Variants in MTREX observed in about 807,000 individuals in gnomAD.
The protein encoded by MTREX is Mtr4 exosome RNA helicase.
A neutral mutation model predicts 135.4 loss-of-function variants in MTREX; 76 were observed. The ratio of observed to expected loss-of-function variants is 0.56; its 90% CI spans 0.47 to 0.68. MTREX has a LOEUF of 0.68. Among genes scored for constraint, MTREX ranks in the 30% least tolerant of loss-of-function variants. MTREX has a pLI of 0.00. For synonymous variants in MTREX, 404 were observed against 401.6 expected (o/e 1.01, Z -0.07); for missense variants, 920 against 1,262.1 (o/e 0.73, Z 4.11).
intron 21 of MTREX, among the ~76,000 whole-genome samples, chr5:55,402,754 T>G (rs1750741332): frequency 6.6e-6 from 1 of 150,662 alleles, no homozygotes; most frequent in Admixed American, 6.6e-5. Flanking sequence ...TCCTGCCCCC[T>G]CCCCATCATT....
At chr5:55,358,854 A>G (rs746142487) in intron 15 of MTREX, among the ~76,000 whole-genome samples, 156 bp downstream of exon 15, 1 of 152,226 alleles carries the variant, frequency 6.6e-6, no homozygotes, top group Non-Finnish European at 1.5e-5. Flanking sequence ...GTGATTACTC[A>G]AAATACTAAC....
chr5:55,331,697 A>T (rs1440324980), intron 5 of MTREX, among the ~76,000 whole-genome samples: 2 of 152,206 alleles, frequency 1.3e-5, no homozygotes, highest in African/African-American at 4.8e-5. Context: ...TGCAAACTCC[A>T]GCTGCCCTGG....
At chr5:55,347,791 G>T (rs1422321759) in intron 11 of MTREX, among the ~76,000 whole-genome samples, 2 of 152,156 alleles carry the variant, frequency 1.3e-5, no homozygotes, top group African/African-American at 4.8e-5. Flanking sequence ...AAGAAAATAG[G>T]TTTAATGGAC....
rs1398044352 is a variant in MTREX at position 55,422,893 on chromosome 5, G to T, written c.2987G>T (p.Cys996Phe). 1 of 1,613,542 alleles carries T rather than the reference G, an allele frequency of 6.2e-7. No homozygotes were observed. Among genetic ancestry groups the T allele is most frequent in the Non-Finnish European group, 8.5e-7 (1 of 1,179,762 alleles). The change falls in exon 26 of 27, where the codon TGT (cysteine) becomes TTT (phenylalanine). Residue 996 changes from cysteine (C) to phenylalanine (F), a missense_variant. This residue lies in a region of MTREX where 467 missense variants were observed against 589.7 expected (regional missense o/e 0.79). Coordinates refer to ENST00000230640, the MANE Select transcript of MTREX (RefSeq NM_015360.5). Reference sequence around the variant, plus strand: ...TTCTATCCAGGCAGCATAATTCGTTGTATGAGGCGCCTGGAAGAATTGCTT... The same window carrying T: ...TTCTATCCAGGCAGCATAATTCGTTTTATGAGGCGCCTGGAAGAATTGCTT... ...TDVFEGSIIR[C>F]MRRLEELLRQ...
At chr5:55,402,838 G>GTA (rs1750744011) in intron 21 of MTREX, among the ~76,000 whole-genome samples, 2 of 88,374 alleles carry the variant, frequency 2.3e-5, no homozygotes, top group East Asian at 5.5e-4. Flanking sequence ...GTGTGTGTGT[G>GTA]TGTATGTGTA....
At chr5:55,408,001 G>A (rs543924394) in intron 22 of MTREX, among the ~76,000 whole-genome samples, 2 of 151,938 alleles carry the variant, frequency 1.3e-5, no homozygotes, top group Non-Finnish European at 2.9e-5. Flanking sequence ...TAAGCAGTCC[G>A]CCCACCTTAC....
rs549904956 is a variant in MTREX at position 55,362,709 on chromosome 5, A to T, written c.1659+4011A>T. Among the ~76,000 whole-genome samples, 7 of 151,736 alleles carry T rather than the reference A, an allele frequency of 4.6e-5. No homozygotes were observed. The East Asian group carries it at 5.8e-4, about 13-fold the overall frequency. ...TTTTTGATTACTTGATATGAGCTAT[A>T]AAAAAAAATCAGTTTTCATAATGTG... On this transcript the variant is annotated intron_variant, in intron 15 of 26. Coordinates refer to ENST00000230640, the MANE Select transcript of MTREX (RefSeq NM_015360.5).
intron 25 of MTREX, among the ~76,000 whole-genome samples, chr5:55,422,619 TCTAGGGCATTTTG>T (rs1335798087): frequency 1.3e-5 from 2 of 152,192 alleles, no homozygotes; most frequent in East Asian, 3.8e-4. Context: ...GCTCCCTCCT[TCTAGGGCATTTTG>T]TTTTCCTACT....
intron 15 of MTREX, among the ~76,000 whole-genome samples, chr5:55,361,443 T>C (rs906703556): frequency 2.6e-5 from 4 of 152,212 alleles, no homozygotes; most frequent in Admixed American, 6.5e-5. Flanking sequence ...CACACACACA[T>C]ATTTATATAT....
intron 19 of MTREX, among the ~76,000 whole-genome samples, chr5:55,396,599 A>G (rs1415502890): frequency 3.3e-5 from 5 of 152,232 alleles, no homozygotes; most frequent in Non-Finnish European, 7.3e-5. Context: ...CAAGTTTGGC[A>G]AATTATCGAA....
At chr5:55,401,262 T>C (rs1352725496) in intron 21 of MTREX, among the ~76,000 whole-genome samples, 1 of 152,208 alleles carries the variant, frequency 6.6e-6, no homozygotes, top group East Asian at 1.9e-4. Context: ...CTTGAACTCC[T>C]GACCTCATAT....
intron 16 of MTREX, among the ~76,000 whole-genome samples, chr5:55,368,218 G>A (rs1194254851): frequency 1.3e-5 from 2 of 152,130 alleles, no homozygotes; most frequent in African/African-American, 2.4e-5. Context: ...GCGAGGCCCA[G>A]GGGGGCAGAT....
chr5:55,372,581 C>A (rs78615905), intron 16 of MTREX, among the ~76,000 whole-genome samples: 127 of 152,202 alleles, frequency 8.3e-4, no homozygotes, highest in African/African-American at 3.0e-3. Flanking sequence ...TTACATAGAG[C>A]AGTTTGATAA....
chr5:55,386,764 GT>G (rs1750487788), intron 18 of MTREX, among the ~76,000 whole-genome samples: 1 of 152,012 alleles, frequency 6.6e-6, no homozygotes, highest in African/African-American at 2.4e-5. Context: ...CGCCTGTGGG[GT>G]TTTTTTGTCC....
chr5:55,337,039 A>G (rs1749565576), intron 5 of MTREX, among the ~76,000 whole-genome samples: 1 of 152,198 alleles, frequency 6.6e-6, no homozygotes, highest in African/African-American at 2.4e-5. Context: ...AAGCCTAGGC[A>G]TTTCTTTGTG....
At chr5:55,382,168 A>G (rs1025149400) in intron 18 of MTREX, among the ~76,000 whole-genome samples, 2 of 151,960 alleles carry the variant, frequency 1.3e-5, no homozygotes, top group Non-Finnish European at 2.9e-5. Context: ...TTACTGATAT[A>G]GTTGGATTTG....
chr5:55,337,790 G>GGT (rs1749577316), intron 5 of MTREX, among the ~76,000 whole-genome samples: 1 of 146,686 alleles, frequency 6.8e-6, no homozygotes, highest in Non-Finnish European at 1.5e-5. Context: ...TATTTCTCAT[G>GGT]TTTTTTTTTT....
chr5:55,336,154 A>G (rs1212882128), intron 5 of MTREX, among the ~76,000 whole-genome samples: 1 of 152,148 alleles, frequency 6.6e-6, no homozygotes, highest in Admixed American at 6.6e-5. Context: ...TACATTCCAT[A>G]AGACTTTCTA....
chr5:55,423,053 A>G (rs749195287), intron 26 of MTREX, 71 bp downstream of exon 26: 38 of 1,126,552 alleles, frequency 3.4e-5, no homozygotes, highest in African/African-American at 4.6e-5. Context: ...GCCCTGGACC[A>G]CAACCTAGGA....
Sources: gnomAD v4.1 joint callset for allele counts (sites outside exome capture counted in the v4.1 genomes callset) on GRCh38, gnomAD v4.1.1 for gene constraint, gnomAD v4.1.1 regional missense constraint, MANE v1.5 for transcripts, NCBI Gene and HGNC (gene_info 2026-07-23, HGNC 2026-07-21) for gene names.